TBCK: variants seen among roughly 807,000 people sequenced by gnomAD.
TBCK encodes TBC1 domain containing kinase.
TBCK carries 99 observed loss-of-function variants against 113.4 expected under a neutral mutation model. The observed-to-expected ratio is 0.87, with a 90% CI of 0.74 to 1.03. TBCK has a LOEUF of 1.03. Among genes scored for constraint, TBCK ranks in the 50% least tolerant of loss-of-function variants. The pLI is 0.00. For synonymous variants in TBCK, 369 were observed against 370.8 expected (o/e 1.00, Z 0.05); for missense variants, 1,045 against 1,061.3 (o/e 0.98, Z 0.21).
chr4:106,307,947 A>G (rs1056172844), intron 2 of TBCK, among the ~76,000 whole-genome samples: 1 of 152,116 alleles, frequency 6.6e-6, no homozygotes, highest in Non-Finnish European at 1.5e-5. Flanking sequence ...GCTATATAAA[A>G]AGACTAATGG....
At chr4:106,194,326 C>A (rs566011392) in intron 21 of TBCK, among the ~76,000 whole-genome samples, 7 of 151,902 alleles carry the variant, frequency 4.6e-5, no homozygotes, top group Non-Finnish European at 1.0e-4. Context: ...TAAAGTATTA[C>A]GCATTCACAT....
chr4:106,252,454 C>A (rs1301760977), intron 5 of TBCK, among the ~76,000 whole-genome samples: 3 of 152,014 alleles, frequency 2.0e-5, no homozygotes, highest in Non-Finnish European at 4.4e-5. Flanking sequence ...TCTCTACACC[C>A]CTGTCATCCA....
At chr4:106,301,444 T>C (rs761183625) in intron 2 of TBCK, among the ~76,000 whole-genome samples, 2 of 152,124 alleles carry the variant, frequency 1.3e-5, no homozygotes, top group East Asian at 1.9e-4. Context: ...CAAGAAAAGA[T>C]AAAATTTGTT....
intron 22 of TBCK, among the ~76,000 whole-genome samples, chr4:106,190,769 C>G (rs1009091336): frequency 6.6e-6 from 1 of 151,764 alleles, no homozygotes; most frequent in East Asian, 1.9e-4. Flanking sequence ...GAGACAGAGT[C>G]TCACTCTGTT....
chr4:106,195,498 GTGTGTGTGTGTT>G (rs1754123130), intron 20 of TBCK, among the ~76,000 whole-genome samples: 2 of 151,722 alleles, frequency 1.3e-5, no homozygotes, highest in Non-Finnish European at 2.9e-5. Flanking sequence ...GTGTTTGTGT[GTGTGTGTGTGTT>G]TGTGTGTGAT....
chr4:106,267,553 AAAATTTACTT>A (rs1299023791), intron 3 of TBCK, among the ~76,000 whole-genome samples: 1 of 151,990 alleles, frequency 6.6e-6, no homozygotes, highest in African/African-American at 2.4e-5. Flanking sequence ...ATAAAACATA[AAAATTTACTT>A]ATAACATTGG....
intron 15 of TBCK, among the ~76,000 whole-genome samples, chr4:106,234,486 C>T (rs1292275105): frequency 6.6e-6 from 1 of 152,086 alleles, no homozygotes; most frequent in Non-Finnish European, 1.5e-5. Context: ...TTCTATCACC[C>T]AGGCTAGAGT....
chr4:106,230,376 T>A lies in TBCK; in HGVS notation c.1761A>T (p.Ser587=). The A allele has an allele frequency of 6.3e-7, 1 of 1,595,650 alleles. No homozygotes were observed. ...YLYNFFLKDN[S]HVIQEYLTVF... ...ACATTTGCTTACCTTGTATTACATG[T>A]GAGTTGTCTTTTAAGAAGAAGTTAT... The change falls in exon 19 of 26, where the codon TCA becomes TCT. Residue 587 remains serine (S), a synonymous_variant. Transcript: ENST00000394708.
rs140255254 is a variant in TBCK, at chr4:106,276,630, C to T, written c.267-14418G>A. Among the ~76,000 whole-genome samples the T allele has an allele frequency of 5.0e-3, 765 of 152,244 alleles. 11 individuals carry two copies. Among genetic ancestry groups the T allele is most frequent in the African/African-American group, 0.017 (721 of 41,552 alleles). ...GCCTGGCCAGGCGCAGTGTGGCTCA[C>T]GCCTATAATCCCAGCACTCTGGGAG... On this transcript the variant is annotated intron_variant, in intron 3 of 25. Transcript: ENST00000394708.
At chr4:106,068,701 C>T (rs542801087) in intron 25 of TBCK, among the ~76,000 whole-genome samples, 217 of 152,288 alleles carry the variant, frequency 1.4e-3, no homozygotes, top group Non-Finnish European at 2.2e-3. Flanking sequence ...ATTTCTGGTT[C>T]TAGATCCTTG....
chr4:106,125,248 G>C (rs976597614), intron 23 of TBCK, among the ~76,000 whole-genome samples: 2 of 152,076 alleles, frequency 1.3e-5, no homozygotes, highest in Non-Finnish European at 2.9e-5. Context: ...GAAAGGAAAT[G>C]AGGATATCGA....
intron 23 of TBCK, among the ~76,000 whole-genome samples, chr4:106,119,159 T>C (rs188677367): frequency 2.0e-4 from 31 of 152,350 alleles, no homozygotes; most frequent in African/African-American, 6.3e-4. Context: ...TTTAGTATTA[T>C]AGATATTGTG....
chr4:106,119,411 G>T (rs1743969377), intron 23 of TBCK, among the ~76,000 whole-genome samples: 1 of 152,022 alleles, frequency 6.6e-6, no homozygotes, highest in African/African-American at 2.4e-5. Flanking sequence ...TTCAGTAGGG[G>T]AAAGGACAGT....
intron 25 of TBCK, among the ~76,000 whole-genome samples, chr4:106,055,297 G>A (rs1168493712): frequency 6.6e-6 from 1 of 150,650 alleles, no homozygotes; most frequent in African/African-American, 2.4e-5. Flanking sequence ...TCACTCAATA[G>A]AAGTGTGAAA....
intron 23 of TBCK, among the ~76,000 whole-genome samples, chr4:106,165,048 T>G (rs945959196): frequency 5.3e-5 from 8 of 151,694 alleles, no homozygotes; most frequent in Non-Finnish European, 8.9e-5. Context: ...TTCAAAGAAC[T>G]TAACAATAAT....
At chr4:106,308,500 G>A (rs532943337) in intron 2 of TBCK, among the ~76,000 whole-genome samples, 4 of 152,228 alleles carry the variant, frequency 2.6e-5, no homozygotes, top group Admixed American at 6.5e-5. Context: ...GCAATACATC[G>A]AAAGAGGACA....
At chr4:106,171,014 G>A in intron 23 of TBCK, 81 bp downstream of exon 23, 2 of 1,102,848 alleles carry the variant, frequency 1.8e-6, no homozygotes, top group Middle Eastern at 2.1e-4. Flanking sequence ...ACACCATTAA[G>A]AACAATAAAG....
Position 106,225,905 on chromosome 4 carries a change from T to A in TBCK, c.1774+4458A>T, listed in dbSNP as rs143684163. Among the ~76,000 whole-genome samples, 180 of 152,168 alleles carry A rather than the reference T, an allele frequency of 1.2e-3. 1 individual carries two copies. Among genetic ancestry groups the A allele is most frequent in the African/African-American group, 4.0e-3 (168 of 41,544 alleles). ...GGCTGGCCGCAGTGGCTCAAGCCTG[T>A]AATTCCAGCACTTTGGGAGGGAGAG... On this transcript the variant is annotated intron_variant, in intron 19 of 25. Transcript: ENST00000394708.
chr4:106,088,993 C>G (rs1162861618), intron 25 of TBCK, among the ~76,000 whole-genome samples: 1 of 151,060 alleles, frequency 6.6e-6, no homozygotes, highest in Non-Finnish European at 1.5e-5. Context: ...CACCATGGCA[C>G]ACATATAACT....
Sources: gnomAD v4.1 joint callset for allele counts (sites outside exome capture counted in the v4.1 genomes callset) on GRCh38, gnomAD v4.1.1 for gene constraint, MANE v1.5 for transcripts, NCBI Gene and HGNC (gene_info 2026-07-23, HGNC 2026-07-21) for gene names.